Variants in TJAP1 observed in about 807,000 individuals in gnomAD.
The protein encoded by TJAP1 is tight junction-associated protein 1.
A neutral mutation model predicts 42.0 loss-of-function variants in TJAP1; 27 were observed. The ratio of observed to expected loss-of-function variants is 0.64; its 90% CI spans 0.47 to 0.89. The LOEUF is 0.89. Among genes scored for constraint, TJAP1 ranks in the 40% least tolerant of loss-of-function variants. The pLI, the probability that TJAP1 is intolerant of heterozygous loss-of-function variation, is 0.00. For missense variants in TJAP1, 712 were observed against 726.9 expected (o/e 0.98, Z 0.24); for synonymous variants, 257 against 288.4 (o/e 0.89, Z 1.10).
At chr6:43,477,789 G>T (rs1784516853) in intron 1 of TJAP1, among the ~76,000 whole-genome samples, 161 bp downstream of exon 1, 2 of 152,104 alleles carry the variant, frequency 1.3e-5, no homozygotes, top group South Asian at 2.1e-4. Flanking sequence ...AAAGGAGCTG[G>T]GGCGGACCGG....
chr6:43,504,592 A>G (rs1582135133), intron 10 of TJAP1, 169 bp from the exon 11 acceptor site: 2 of 856,536 alleles, frequency 2.3e-6, no homozygotes, highest in South Asian at 3.3e-5. Context: ...CTCCAGGCCT[A>G]TGTGTCTGTG....
chr6:43,498,984 G>A (rs1789882208), exon 4 of TJAP1: 1 of 1,612,834 alleles, frequency 6.2e-7, no homozygotes, highest in South Asian at 1.1e-5. Flanking sequence ...GCAGGCGGAG[G>A]AGCCGTCACC....
chr6:43,506,514 T>A (rs1381499641), exon 11 of TJAP1: 1 of 152,720 alleles, frequency 6.5e-6, no homozygotes, highest in Admixed American at 6.5e-5. Context: ...ATTTTCACAT[T>A]GATGACTATT....
At chr6:43,499,583 A>C (rs966531942) in intron 4 of TJAP1, among the ~76,000 whole-genome samples, 3 of 152,180 alleles carry the variant, frequency 2.0e-5, no homozygotes, top group Non-Finnish European at 4.4e-5. Flanking sequence ...CATTTGTTGA[A>C]TATGTACTCC....
At chr6:43,504,954 A>G (rs1791942485) in exon 11 of TJAP1, 1 of 1,614,002 alleles carries the variant, frequency 6.2e-7, no homozygotes, top group Non-Finnish European at 8.5e-7. Flanking sequence ...CCCTTGGCTG[A>G]GGATGTCTTT....
At chr6:43,479,849 A>T (rs1055712561) in intron 2 of TJAP1, among the ~76,000 whole-genome samples, 4 of 152,198 alleles carry the variant, frequency 2.6e-5, no homozygotes, top group Non-Finnish European at 5.9e-5. Flanking sequence ...ATGCGCCTGT[A>T]GTCCCAGCTA....
rs975040850 is a variant in TJAP1 at position 43,492,592 on chromosome 6, T to C, written c.-121-5289T>C. On this transcript the variant is annotated intron_variant, in intron 2 of 10. Coordinates refer to ENST00000372449, the Ensembl canonical transcript of TJAP1. The surrounding 1 kb of genome is among the most constrained non-coding windows in gnomAD (Gnocchi z 4.2). The stretch of plus-strand genomic sequence containing the variant: ...AGCAGGAGGGGTACCCCGGAGACGA[T>C]GTGGGCGAGGCCGAACCCAGTTTTG... Among the ~76,000 whole-genome samples, 6 of 152,122 alleles carry C rather than the reference T, an allele frequency of 3.9e-5. No individual in the cohort carries two copies. Among genetic ancestry groups the C allele is most frequent in the African/African-American group, 2.4e-5 (1 of 41,436 alleles).
In TJAP1 at chr6:43,503,794, G is replaced by C. The variant is rs571487028; in HGVS notation, c.579+88G>C. 13 of 1,194,656 alleles carry C rather than the reference G, an allele frequency of 1.1e-5. No homozygotes were observed. In the South Asian group the frequency reaches 1.6e-4, roughly 15 times the overall value. 74.0% of individuals were successfully genotyped at this position (1,194,656 alleles called of 1,614,324 possible). A position where few individuals can be genotyped will look rare whatever the true frequency, so the allele number is the denominator to read the frequency against. On this transcript the variant is annotated intron_variant, in intron 10 of 10. Coordinates refer to ENST00000372449, the Ensembl canonical transcript of TJAP1. ...AACTCCAGTTTCTGCACCTCTCTCT[G>C]TCCTCCTCTTCCCACTTTGCCCTCC...
chr6:43,502,959 G>A (rs1791312022), intron 8 of TJAP1: 1 of 487,198 alleles, frequency 2.1e-6, no homozygotes, highest in South Asian at 2.2e-5. Context: ...TTTTGAGCCT[G>A]CAGCTTGCTC....
chr6:43,480,805 C>T (rs1161408711), intron 2 of TJAP1, among the ~76,000 whole-genome samples: 3 of 152,122 alleles, frequency 2.0e-5, no homozygotes, highest in Admixed American at 6.5e-5. Flanking sequence ...TGTGAGCCAC[C>T]GTGCCTGGCC....
At chr6:43,485,719 G>A (rs906494751) in intron 2 of TJAP1, among the ~76,000 whole-genome samples, 1 of 152,172 alleles carries the variant, frequency 6.6e-6, no homozygotes, top group African/African-American at 2.4e-5. Context: ...AAGCATTTAG[G>A]CACTATAGAG....
rs1350992114 is a variant in TJAP1, at chr6:43,505,235, T to TA, written c.1055dup (p.Tyr352Ter). Residue 352 changes from tyrosine (Y) to a stop codon, truncating the protein, a stop_gained and frameshift_variant, in exon 11 of 11, where the codon TAC (tyrosine) becomes TAAC (stop). Coordinates refer to ENST00000372449, the Ensembl canonical transcript of TJAP1. LOFTEE classifies it high-confidence loss of function. The surrounding 1 kb of genome is among the most constrained non-coding windows in gnomAD (Gnocchi z 5.5). ...CAACAGCCCCCTGCCCAACTGCACT[T>TA]ACGCTACCCGCCAGGCCATTTCCCT... The TA allele has an allele frequency of 2.5e-6, 4 of 1,613,986 alleles. No individual in the cohort carries two copies. The highest frequency in any genetic ancestry group is 1.7e-6 in the Non-Finnish European group (2 of 1,179,970).
At chr6:43,499,911 G>A (rs1343227381) in intron 4 of TJAP1, among the ~76,000 whole-genome samples, 4 of 152,214 alleles carry the variant, frequency 2.6e-5, no homozygotes, top group Non-Finnish European at 5.9e-5. Context: ...GCTACCCAGC[G>A]AGCATTACCT....
intron 3 of TJAP1, 189 bp from the exon 4 acceptor site, chr6:43,498,789 A>T: frequency 1.9e-6 from 1 of 517,440 alleles, no homozygotes. Flanking sequence ...CCCACCCTCC[A>T]GCACTCCTTT....
intron 7 of TJAP1, 102 bp from the exon 8 acceptor site, chr6:43,502,486 G>C: frequency 6.7e-7 from 1 of 1,501,726 alleles, no homozygotes; most frequent in Non-Finnish European, 9.1e-7. Flanking sequence ...GGGTACTGCA[G>C]TGTGCTCTGC....
Position 43,505,957 on chromosome 6 carries a change from A to C in TJAP1, c.*102A>C. ...AGTCCAAGCCCTTGACCTCTCCTCT[A>C]TCCAGACCCGCACAGCTGTTTCCTG... On this transcript the variant is annotated 3_prime_UTR_variant, in exon 11 of 11. Coordinates refer to ENST00000372449, the Ensembl canonical transcript of TJAP1. This position sits in a 1 kb window ranked among gnomAD's most constrained non-coding sequence, Gnocchi z 5.5. The C allele has an allele frequency of 7.9e-7, 1 of 1,264,170 alleles. No individual in the cohort carries two copies. The highest frequency in any genetic ancestry group is 1.0e-6 in the Non-Finnish European group (1 of 969,088). 78.3% of individuals were successfully genotyped at this position (1,264,170 alleles called of 1,614,324 possible).
intron 2 of TJAP1, chr6:43,478,829 G>T (rs1014909355): frequency 3.9e-5 from 6 of 152,176 alleles, no homozygotes; most frequent in African/African-American, 1.4e-4. Flanking sequence ...TCAGTTTCTG[G>T]TAAGAGATCA....
At chr6:43,497,106 A>G (rs1348323807) in intron 2 of TJAP1, 2 of 152,174 alleles carry the variant, frequency 1.3e-5, no homozygotes, top group Admixed American at 6.5e-5. Flanking sequence ...GATATTTTCT[A>G]TTGGGAATCA....
chr6:43,500,877 T>C, intron 5 of TJAP1, 105 bp downstream of exon 5: 2 of 1,412,832 alleles, frequency 1.4e-6, no homozygotes, highest in Non-Finnish European at 2.0e-6. Context: ...TAGGTAGAAA[T>C]AAAGGTTGGG....
Sources: gnomAD v4.1 joint callset for allele counts (sites outside exome capture counted in the v4.1 genomes callset) on GRCh38, gnomAD v4.1.1 for gene constraint, Gnocchi (gnomAD v3.1) non-coding constraint, MANE v1.5 for transcripts, NCBI Gene and HGNC (gene_info 2026-07-23, HGNC 2026-07-21) for gene names.